Variants in ARHGAP32 observed in about 807,000 individuals in gnomAD.
ARHGAP32 encodes rho GTPase-activating protein 32.
Under a neutral mutation model 186.5 loss-of-function variants are expected in ARHGAP32, and 51 were observed. That is an observed-to-expected ratio of 0.27 (90% CI 0.22 to 0.35). The LOEUF is 0.35. ARHGAP32 is among the 10% of genes least tolerant of loss of function. ARHGAP32 has a pLI of 1.00. For missense variants in ARHGAP32, 2,186 were observed against 2,623.5 expected (o/e 0.83, Z 3.64); for synonymous variants, 950 against 964.3 (o/e 0.99, Z 0.27).
intron 12 of ARHGAP32, among the ~76,000 whole-genome samples, chr11:128,990,090 C>G (rs919101085): frequency 1.3e-5 from 2 of 152,100 alleles, no homozygotes; most frequent in African/African-American, 4.8e-5. Context: ...CCATACAAAC[C>G]AACCATGCTA....
intron 1 of ARHGAP32, among the ~76,000 whole-genome samples, chr11:129,220,242 C>G (rs989055389): frequency 1.3e-5 from 2 of 151,910 alleles, no homozygotes; most frequent in African/African-American, 4.8e-5. Flanking sequence ...TTTGGAGTGT[C>G]CAGGAGCACA....
intron 2 of ARHGAP32, among the ~76,000 whole-genome samples, chr11:129,156,471 C>A (rs1415391255): frequency 2.6e-5 from 4 of 152,144 alleles, no homozygotes; most frequent in Non-Finnish European, 4.4e-5. Flanking sequence ...AAACAAAGCC[C>A]CTGGGAAGTT....
At chr11:128,973,628 AGT>A (rs1013180992) in intron 21 of ARHGAP32, 196 bp from the exon 22 acceptor site, 6 of 616,204 alleles carry the variant, frequency 9.7e-6, no homozygotes, top group African/African-American at 5.5e-5. Flanking sequence ...TAAAACAAAC[AGT>A]GTATAAAGAC....
intron 1 of ARHGAP32, among the ~76,000 whole-genome samples, chr11:129,186,536 A>G (rs1033239408): frequency 6.6e-6 from 1 of 152,174 alleles, no homozygotes; most frequent in Admixed American, 6.6e-5. Flanking sequence ...TGTTAAAAGA[A>G]TATTTTAGAA....
At chr11:128,983,153 C>A (rs1313833411) in intron 15 of ARHGAP32, among the ~76,000 whole-genome samples, 1 of 152,166 alleles carries the variant, frequency 6.6e-6, no homozygotes, top group East Asian at 1.9e-4. Context: ...TCCCCTTGTA[C>A]CGAGGACAAA....
Position 128,969,086 on chromosome 11 carries a change from A to T in ARHGAP32, c.6127T>A (p.Tyr2043Asn), listed in dbSNP as rs1303700754. The T allele has an allele frequency of 6.2e-7, 1 of 1,607,806 alleles. No individual in the cohort carries two copies. The highest frequency in any genetic ancestry group is 1.1e-5 in the South Asian group (1 of 90,452). The change falls in exon 23 of 23, where the codon TAC becomes AAC. Residue 2043 changes from tyrosine (Y) to asparagine (N), a missense_variant. Transcript: ENST00000682385. This position sits in a 1 kb window ranked among gnomAD's most constrained non-coding sequence, Gnocchi z 4.8. ...CGCTGGTGCTGAGGCAGGGAGTGGT[A>T]ATCTTCCAGGTTATCATACTGGGAC... is the stretch of plus-strand genomic sequence containing the variant. ...VVSQYDNLED[Y>N]HSLPQHQRGV...
chr11:129,182,999 G>A (rs933019079), intron 1 of ARHGAP32, among the ~76,000 whole-genome samples: 1 of 151,970 alleles, frequency 6.6e-6, no homozygotes, highest in Admixed American at 6.6e-5. Context: ...TTGATCATTT[G>A]TAATTCATCC....
In ARHGAP32 at chr11:129,037,479, C is replaced by A. The variant is rs373399669; in HGVS notation, c.1045+3449G>T. Among the ~76,000 whole-genome samples, 8 of 151,828 alleles carry A rather than the reference C, an allele frequency of 5.3e-5. No homozygotes were observed. In the South Asian group the frequency reaches 8.3e-4, roughly 16 times the overall value. On this transcript the variant is annotated intron_variant, in intron 11 of 22. Transcript: ENST00000682385. ...TCGCACTCCAGCCTGGGCAACAAAGCAAGACACTGTCTCCAAAGAAAAAAA... is the reference window on the plus strand; with the variant it reads ...TCGCACTCCAGCCTGGGCAACAAAGAAAGACACTGTCTCCAAAGAAAAAAA...
At chr11:129,156,654 A>G (rs1266729747) in intron 2 of ARHGAP32, among the ~76,000 whole-genome samples, 2 of 152,142 alleles carry the variant, frequency 1.3e-5, no homozygotes, top group African/African-American at 4.8e-5. Flanking sequence ...GTGCAGCTTC[A>G]TCAGACCTAA....
upstream of ARHGAP32, among the ~76,000 whole-genome samples, chr11:129,193,091 A>G (rs1043851597): frequency 3.9e-4 from 59 of 152,030 alleles, no homozygotes; most frequent in African/African-American, 1.4e-3. Flanking sequence ...AAGCAGCAAC[A>G]AACTGCAAAG....
chr11:129,244,671 T>C (rs1945066147), intron 1 of ARHGAP32, among the ~76,000 whole-genome samples: 1 of 151,592 alleles, frequency 6.6e-6, no homozygotes, highest in African/African-American at 2.4e-5. Context: ...ACCTACAAAA[T>C]GGGAGAAAAT....
intron 1 of ARHGAP32, among the ~76,000 whole-genome samples, chr11:129,234,103 C>A (rs1356120669): frequency 6.6e-6 from 1 of 151,932 alleles, no homozygotes; most frequent in Non-Finnish European, 1.5e-5. Flanking sequence ...TTTTAAATAT[C>A]TCAAAATTTT....
Position 129,098,425 on chromosome 11 carries a change from C to T in ARHGAP32, c.445-4718G>A, listed in dbSNP as rs1941794276. 4.1e-5 allele frequency among the ~76,000 whole-genome samples: 6 copies of T among 145,738 alleles called. No homozygotes were observed. In the South Asian group the frequency reaches 1.1e-3, roughly 26 times the overall value. ...TTATTTATTTTTCTTTTTCTTTTTTCTTTTTTTTTTTGAGACGGAGTCTTG... is the reference window on the plus strand; with the variant it reads ...TTATTTATTTTTCTTTTTCTTTTTTTTTTTTTTTTTTGAGACGGAGTCTTG... On this transcript the variant is annotated intron_variant, in intron 5 of 22. Coordinates refer to ENST00000682385, the MANE Select transcript of ARHGAP32 (RefSeq NM_001378024.1).
chr11:129,258,411 G>T (rs541233680), intron 1 of ARHGAP32, among the ~76,000 whole-genome samples: 1 of 152,140 alleles, frequency 6.6e-6, no homozygotes, highest in Non-Finnish European at 1.5e-5. Flanking sequence ...GTTTCCTTTA[G>T]ACTGGGATCT....
At chr11:129,133,036 G>A (rs1942848979) in intron 2 of ARHGAP32, among the ~76,000 whole-genome samples, 1 of 152,162 alleles carries the variant, frequency 6.6e-6, no homozygotes. Context: ...TGTGTAGGAA[G>A]CATGACTGGC....
chr11:129,226,462 A>AATTTTCT (rs1944783433), intron 1 of ARHGAP32, among the ~76,000 whole-genome samples: 4 of 152,198 alleles, frequency 2.6e-5, no homozygotes, highest in Non-Finnish European at 1.5e-5. Flanking sequence ...AGAATTACGT[A>AATTTTCT]TTCAAAGTGC....
intron 2 of ARHGAP32, among the ~76,000 whole-genome samples, chr11:129,135,647 G>A (rs182109506): frequency 9.3e-4 from 142 of 152,160 alleles, no homozygotes; most frequent in African/African-American, 3.3e-3. Flanking sequence ...GGTGCCTGTA[G>A]TCCCAGCTAC....
intron 5 of ARHGAP32, among the ~76,000 whole-genome samples, chr11:129,118,760 G>C (rs1565431179): frequency 6.6e-6 from 1 of 152,054 alleles, no homozygotes; most frequent in East Asian, 1.9e-4. Flanking sequence ...AAAAGGGGTG[G>C]AGAATGGGAT....
intron 2 of ARHGAP32, among the ~76,000 whole-genome samples, chr11:129,149,190 G>C (rs1280610855): frequency 1.3e-5 from 2 of 152,078 alleles, no homozygotes; most frequent in Admixed American, 1.3e-4. Flanking sequence ...AATCTACTTG[G>C]GCCATAACAG....
Sources: allele counts gnomAD v4.1 joint callset (sites outside exome capture counted in the v4.1 genomes callset), GRCh38; gene constraint gnomAD v4.1.1; non-coding constraint Gnocchi (gnomAD v3.1); transcripts MANE v1.5; gene names NCBI Gene and HGNC (gene_info 2026-07-23, HGNC 2026-07-21).